Variants in DRC11 observed in about 807,000 individuals in gnomAD.
The protein encoded by DRC11 is dynein regulatory complex subunit 11, also known as IQ and AAA domain-containing protein 1.
At chr2:236,419,097 C>G in the DRC11 span, 1 of 1,492,872 alleles carries the variant, frequency 6.7e-7, no homozygotes, top group African/African-American at 1.4e-5. This position sits in a 1 kb window ranked among gnomAD's most constrained non-coding sequence, Gnocchi z 4.8. Flanking sequence ...GCAAAGAAGT[C>G]AATAAAAAGA....
the DRC11 span, chr2:236,419,405 C>A: frequency 1.5e-6 from 2 of 1,359,778 alleles, no homozygotes; most frequent in Non-Finnish European, 9.6e-7. The surrounding 1 kb of genome is among the most constrained non-coding windows in gnomAD (Gnocchi z 4.8). Context: ...TGCAGGCCGA[C>A]CCCTTCTGGG....
chr2:236,474,689 T>C, the DRC11 span, among the ~76,000 whole-genome samples: 3 of 152,128 alleles, frequency 2.0e-5, no homozygotes, highest in Non-Finnish European at 4.4e-5. Flanking sequence ...ATTTTACGGG[T>C]GTTGAACAGA....
At chr2:236,439,670 A>G in the DRC11 span, among the ~76,000 whole-genome samples, 31 of 152,284 alleles carry the variant, frequency 2.0e-4, 1 homozygote, top group East Asian at 5.4e-3. Context: ...TGATAAAATT[A>G]TCACTTTAAA....
chr2:236,436,369 G>A, the DRC11 span, among the ~76,000 whole-genome samples: 1 of 152,202 alleles, frequency 6.6e-6, no homozygotes, highest in East Asian at 1.9e-4. Flanking sequence ...GTGTAGTTAA[G>A]TATATGAGCA....
At chr2:236,334,706 T>C in the DRC11 span, among the ~76,000 whole-genome samples, 1 of 152,140 alleles carries the variant, frequency 6.6e-6, no homozygotes, top group African/African-American at 2.4e-5. This position sits in a 1 kb window ranked among gnomAD's most constrained non-coding sequence, Gnocchi z 7.8. Flanking sequence ...TTCATTTTTA[T>C]TTGGAGTTTT....
the DRC11 span, among the ~76,000 whole-genome samples, chr2:236,450,738 T>C: frequency 7.5e-6 from 1 of 133,496 alleles, no homozygotes; most frequent in South Asian, 2.2e-4. Context: ...CTCATTTCCA[T>C]CGATTTCTGT....
At chr2:236,378,265 AG>A in the DRC11 span, among the ~76,000 whole-genome samples, 2 of 152,362 alleles carry the variant, frequency 1.3e-5, no homozygotes, top group South Asian at 4.1e-4. Flanking sequence ...ATATATATCA[AG>A]GAAGTATCAA....
chr2:236,392,075 G>A, the DRC11 span: 1 of 1,612,988 alleles, frequency 6.2e-7, no homozygotes, highest in Non-Finnish European at 8.5e-7. The surrounding 1 kb of genome is among the most constrained non-coding windows in gnomAD (Gnocchi z 5.1). Context: ...CATCAACCTA[G>A]GAGAATACAA....
At chr2:236,499,363 C>T in the DRC11 span, among the ~76,000 whole-genome samples, 3 of 152,184 alleles carry the variant, frequency 2.0e-5, no homozygotes, top group African/African-American at 7.2e-5. This position sits in a 1 kb window ranked among gnomAD's most constrained non-coding sequence, Gnocchi z 4.7. Flanking sequence ...CACTCACTGG[C>T]TTTCAGGTCC....
chr2:236,462,309 T>C, the DRC11 span, among the ~76,000 whole-genome samples: 1 of 151,960 alleles, frequency 6.6e-6, no homozygotes, highest in South Asian at 2.1e-4. The surrounding 1 kb of genome is among the most constrained non-coding windows in gnomAD (Gnocchi z 6.4). Context: ...GCAGAAACCA[T>C]GGGCTGCAAA....
the DRC11 span, chr2:236,486,961 C>A: frequency 7.8e-7 from 1 of 1,275,886 alleles, no homozygotes; most frequent in African/African-American, 1.5e-5. The surrounding 1 kb of genome is among the most constrained non-coding windows in gnomAD (Gnocchi z 5.7). Flanking sequence ...ACATGGCTTG[C>A]AGTTTCTCCC....
the DRC11 span, among the ~76,000 whole-genome samples, chr2:236,471,468 T>C: frequency 3.9e-5 from 6 of 152,330 alleles, 1 homozygote; most frequent in South Asian, 1.2e-3. The surrounding 1 kb of genome is among the most constrained non-coding windows in gnomAD (Gnocchi z 4.6). Flanking sequence ...ACTTTTTTGA[T>C]ATTTGCTAAC....
the DRC11 span, among the ~76,000 whole-genome samples, chr2:236,465,986 T>TA: frequency 5.3e-5 from 8 of 152,264 alleles, no homozygotes; most frequent in East Asian, 1.5e-3. This position sits in a 1 kb window ranked among gnomAD's most constrained non-coding sequence, Gnocchi z 6.2. Context: ...AGATCTGGAT[T>TA]AAAAAAACTC....
At chr2:236,382,359 A>G in the DRC11 span, among the ~76,000 whole-genome samples, 2 of 152,216 alleles carry the variant, frequency 1.3e-5, no homozygotes, top group African/African-American at 2.4e-5. Context: ...CAATATGATA[A>G]GCCTTAAAAT....
chr2:236,491,240 T>TACACAGTATATATATATATATATATAC, the DRC11 span, among the ~76,000 whole-genome samples: 3 of 52,536 alleles, frequency 5.7e-5, no homozygotes, highest in East Asian at 3.3e-4. Context: ...TATATATATA[T>TACACAGTATATATATATATATATATAC]ACACAGTATA....
At chr2:236,399,050 C>T in the DRC11 span, among the ~76,000 whole-genome samples, 12 of 151,602 alleles carry the variant, frequency 7.9e-5, no homozygotes, top group South Asian at 2.1e-4. The surrounding 1 kb of genome is among the most constrained non-coding windows in gnomAD (Gnocchi z 7.0). Context: ...AGTGCAATGG[C>T]GTGATATCGG....
At chr2:236,392,367 T>A in the DRC11 span, 2 of 1,418,376 alleles carry the variant, frequency 1.4e-6, no homozygotes, top group African/African-American at 2.9e-5. The surrounding 1 kb of genome is among the most constrained non-coding windows in gnomAD (Gnocchi z 5.1). Flanking sequence ...TCCAGAAGGG[T>A]AAAGAAAAAG....
the DRC11 span, among the ~76,000 whole-genome samples, chr2:236,376,118 C>T: frequency 4.7e-4 from 72 of 152,324 alleles, no homozygotes; most frequent in African/African-American, 1.6e-3. This position sits in a 1 kb window ranked among gnomAD's most constrained non-coding sequence, Gnocchi z 5.7. Context: ...TAAGTGCCCC[C>T]AGTGGGAAAC....
the DRC11 span, among the ~76,000 whole-genome samples, chr2:236,478,474 A>G: frequency 6.6e-6 from 1 of 152,214 alleles, no homozygotes; most frequent in East Asian, 1.9e-4. This position sits in a 1 kb window ranked among gnomAD's most constrained non-coding sequence, Gnocchi z 5.9. Flanking sequence ...TCTGGAGACT[A>G]TTCCATGTGC....
Sources: allele counts gnomAD v4.1 joint callset (sites outside exome capture counted in the v4.1 genomes callset), GRCh38; gene constraint gnomAD v4.1.1; non-coding constraint Gnocchi (gnomAD v3.1); transcripts MANE v1.5; gene names NCBI Gene and HGNC (gene_info 2026-07-23, HGNC 2026-07-21).